MYT1L: variants seen among roughly 807,000 people sequenced by gnomAD.
MYT1L encodes the protein myelin transcription factor 1-like protein.
Under a neutral mutation model 126.7 loss-of-function variants are expected in MYT1L, and 12 were observed. The observed-to-expected ratio is 0.09, with a 90% confidence interval of 0.06 to 0.15. MYT1L has a LOEUF of 0.15. Among genes scored for constraint, MYT1L ranks in the 10% least tolerant of loss-of-function variants. The pLI is 1.00. For synonymous variants in MYT1L, 541 were observed against 604.2 expected, an observed-to-expected ratio of 0.90 and a Z score of 1.53; for missense variants, 979 against 1,585.2, an observed-to-expected ratio of 0.62 and a Z score of 6.49.
At chr2:2,145,431 T>C (rs900600376) in intron 3 of MYT1L, among the ~76,000 whole-genome samples, 1 of 152,264 alleles carries the variant, frequency 6.6e-6, no homozygotes, top group South Asian at 2.1e-4. Flanking sequence ...GTCATAAAAA[T>C]AGTCCTGTCT....
rs568552895 is a variant in MYT1L, at chr2:2,234,281, G to A, written c.-421+50123C>T. Among the ~76,000 whole-genome samples, 40 of 152,286 alleles carry A rather than the reference G, an allele frequency of 2.6e-4. 1 individual carries two copies. In the South Asian group the frequency reaches 5.8e-3, roughly 22 times the overall value. On this transcript the variant is annotated intron_variant, in intron 2 of 24. Coordinates refer to ENST00000647738, the MANE Select transcript of MYT1L (RefSeq NM_001303052.2). ...TAGATGAGCTTATAATTTCACACTT[G>A]TCTTGGCTTTCCTGCTCTGAAGATC...
intron 2 of MYT1L, among the ~76,000 whole-genome samples, chr2:2,276,991 T>C (rs1012994722): frequency 6.6e-6 from 1 of 152,054 alleles, no homozygotes; most frequent in Non-Finnish European, 1.5e-5. Flanking sequence ...TTTCTCTTTT[T>C]CTTTTTTTGA....
rs141622198 is a variant in MYT1L, at chr2:2,172,539, G to T, written c.-304+333C>A. Among the ~76,000 whole-genome samples the T allele has an allele frequency of 2.7e-4, 41 of 152,388 alleles. No individual in the cohort carries two copies. In the East Asian group the frequency reaches 7.3e-3, roughly 27 times the overall value. ...CCATGAAGCACCAGGCAGCTAAGAT[G>T]AAAGTATTTACTCAAAGCAGCAAAT... On this transcript the variant is annotated intron_variant, in intron 3 of 24. Coordinates refer to ENST00000647738, the MANE Select transcript of MYT1L (RefSeq NM_001303052.2).
chr2:1,916,849 G>T (rs2052913194), intron 11 of MYT1L, among the ~76,000 whole-genome samples: 1 of 152,224 alleles, frequency 6.6e-6, no homozygotes, highest in Non-Finnish European at 1.5e-5. Context: ...GCAGTTTCAT[G>T]CTGGAAGGGA....
intron 9 of MYT1L, among the ~76,000 whole-genome samples, chr2:1,940,212 C>T (rs1014324941): frequency 6.6e-6 from 1 of 150,850 alleles, no homozygotes; most frequent in Non-Finnish European, 1.5e-5. Context: ...TGGCTGCACC[C>T]TGCCAGGATG....
chr2:2,268,434 T>C (rs192810333), intron 2 of MYT1L, among the ~76,000 whole-genome samples: 3 of 152,256 alleles, frequency 2.0e-5, no homozygotes, highest in Admixed American at 2.0e-4. Flanking sequence ...ATATTTTATT[T>C]TAAGGTCAGT....
intron 2 of MYT1L, among the ~76,000 whole-genome samples, chr2:2,234,031 G>A (rs2094223282): frequency 6.6e-6 from 1 of 152,174 alleles, no homozygotes; most frequent in African/African-American, 2.4e-5. Flanking sequence ...ATAATAAAAT[G>A]TGAAATCAAT....
chr2:1,975,143 C>T (rs998123756), intron 8 of MYT1L, among the ~76,000 whole-genome samples: 42 of 149,488 alleles, frequency 2.8e-4, no homozygotes, highest in African/African-American at 1.0e-3. Flanking sequence ...CAATTTCGTA[C>T]AAGCCCGTAA....
At chr2:2,217,657 C>A (rs946170197) in intron 2 of MYT1L, among the ~76,000 whole-genome samples, 9 of 124,202 alleles carry the variant, frequency 7.2e-5, no homozygotes, top group East Asian at 2.4e-4. Flanking sequence ...GGGGACAGAA[C>A]AAAACTCCAT....
chr2:1,908,402 G>A (rs539042019), intron 13 of MYT1L, among the ~76,000 whole-genome samples: 221 of 152,086 alleles, frequency 1.5e-3, no homozygotes, highest in Non-Finnish European at 2.5e-3. Flanking sequence ...CCCGGGAGCA[G>A]GGAAGCCCAA....
intron 3 of MYT1L, among the ~76,000 whole-genome samples, chr2:2,170,565 C>T (rs551601800): frequency 6.6e-6 from 1 of 152,308 alleles, no homozygotes; most frequent in African/African-American, 2.4e-5. Context: ...TACAAATTGC[C>T]ATTTTATAGC....
At position 1,979,310 on chromosome 2, in the gene MYT1L, G is replaced by GGCGGCTCAGACAGAGGAGA. The variant is rs2060421193; in HGVS notation, c.90-102_90-84dup. 1 of 1,318,172 alleles carries GGCGGCTCAGACAGAGGAGA rather than the reference G, an allele frequency of 7.6e-7. No homozygotes were observed. The highest frequency in any genetic ancestry group is 1.1e-6 in the Non-Finnish European group (1 of 923,308). The allele number at this position is 1,318,172 out of a possible 1,614,324, so 81.7% of individuals were successfully genotyped here. ...CTTCCGTGGCAGCAGAGAGAAGGAG[G>GGCGGCTCAGACAGAGGAGA]GCGGCTCAGACAGAGGAGAGAAATC... On this transcript the variant is annotated intron_variant, in intron 7 of 24. Coordinates refer to ENST00000647738, the MANE Select transcript of MYT1L (RefSeq NM_001303052.2). The surrounding 1 kb of genome is among the most constrained non-coding windows in gnomAD (Gnocchi z 4.0).
intron 2 of MYT1L, among the ~76,000 whole-genome samples, chr2:2,208,485 G>A (rs1187111655): frequency 6.6e-6 from 1 of 152,018 alleles, no homozygotes; most frequent in African/African-American, 2.4e-5. Flanking sequence ...GTACAGTTTG[G>A]GCATTCCTTC....
At chr2:2,261,336 A>G (rs2094961738) in intron 2 of MYT1L, among the ~76,000 whole-genome samples, 2 of 152,256 alleles carry the variant, frequency 1.3e-5, no homozygotes, top group South Asian at 4.1e-4. Flanking sequence ...AAATCTGATT[A>G]CAGTCTTTTA....
intron 21 of MYT1L, among the ~76,000 whole-genome samples, chr2:1,810,824 T>C (rs2036499546): frequency 6.6e-6 from 1 of 152,134 alleles, no homozygotes; most frequent in South Asian, 2.1e-4. Context: ...ACACCACAGG[T>C]CTAAGTTGTT....
intron 4 of MYT1L, among the ~76,000 whole-genome samples, chr2:2,022,925 G>A (rs987901934): frequency 6.6e-6 from 1 of 152,192 alleles, no homozygotes; most frequent in Admixed American, 6.5e-5. Context: ...GATACTCAGA[G>A]GCCAGCATGT....
chr2:2,222,868 C>G (rs983200782), intron 2 of MYT1L, among the ~76,000 whole-genome samples: 2 of 152,120 alleles, frequency 1.3e-5, no homozygotes, highest in African/African-American at 2.4e-5. Context: ...TTACAACTAC[C>G]TCCTTAAAAT....
At chr2:1,894,789 G>C (rs1050633061) in intron 14 of MYT1L, among the ~76,000 whole-genome samples, 1 of 152,128 alleles carries the variant, frequency 6.6e-6, no homozygotes, top group Non-Finnish European at 1.5e-5. Flanking sequence ...TGGAGGTGTG[G>C]CAGGAGCTCC....
At chr2:2,123,994 A>G (rs1476990090) in intron 3 of MYT1L, among the ~76,000 whole-genome samples, 1 of 152,250 alleles carries the variant, frequency 6.6e-6, no homozygotes, top group East Asian at 1.9e-4. Flanking sequence ...CCCACTTCAG[A>G]TACTGACCTC....
Sources: gnomAD v4.1 joint callset for allele counts (sites outside exome capture counted in the v4.1 genomes callset) on GRCh38, gnomAD v4.1.1 for gene constraint, Gnocchi (gnomAD v3.1) non-coding constraint, MANE v1.5 for transcripts, NCBI Gene and HGNC (gene_info 2026-07-23, HGNC 2026-07-21) for gene names.